NSUN6: variants seen among roughly 807,000 people sequenced by gnomAD.
The protein encoded by NSUN6 is NOP2/Sun RNA methyltransferase 6.
NSUN6 carries 64 observed loss-of-function variants against 58.0 expected under a neutral mutation model. The observed-to-expected ratio is 1.10, with a 90% CI of 0.90 to 1.36. The LOEUF (loss-of-function observed/expected upper bound fraction) is 1.36. Among genes scored for constraint, NSUN6 ranks in the 40% most tolerant of loss-of-function variants. NSUN6 has a pLI of 0.00. For synonymous variants in NSUN6, 231 were observed against 193.9 expected, an observed-to-expected ratio of 1.19 and a Z score of -1.59; for missense variants, 701 against 550.1, an observed-to-expected ratio of 1.27 and a Z score of -2.74.
intron 6 of NSUN6, 38 bp downstream of exon 6, chr10:18,609,807 T>C (rs1564796486): frequency 2.7e-6 from 3 of 1,092,054 alleles, no homozygotes; most frequent in South Asian, 1.3e-5. Flanking sequence ...GATGTATGTT[T>C]CAATGTCACT....
chr10:18,560,706 G>A (rs1490253829), intron 8 of NSUN6, among the ~76,000 whole-genome samples: 2 of 150,428 alleles, frequency 1.3e-5, no homozygotes, highest in African/African-American at 4.9e-5. Flanking sequence ...GGAATGGAAT[G>A]CAATGAGGAA....
chr10:18,587,893 C>T (rs117326495), intron 7 of NSUN6, among the ~76,000 whole-genome samples: 1,548 of 151,592 alleles, frequency 0.01, 20 homozygotes, highest in Non-Finnish European at 0.016. Flanking sequence ...TTTTTTTGTA[C>T]CTCAGTGGCA....
intron 3 of NSUN6, among the ~76,000 whole-genome samples, chr10:18,640,833 T>C (rs72775119): frequency 0.021 from 3,138 of 151,600 alleles, 49 homozygotes; most frequent in Admixed American, 0.04. Context: ...AAATCAACTT[T>C]AATTGCAAAA....
At chr10:18,637,657 C>G (rs1364031901) in intron 3 of NSUN6, among the ~76,000 whole-genome samples, 6 of 152,130 alleles carry the variant, frequency 3.9e-5, no homozygotes, top group Non-Finnish European at 8.8e-5. Flanking sequence ...CATGCTTATG[C>G]AAGTCCACAA....
chr10:18,562,331 T>C (rs1240683830), intron 8 of NSUN6, among the ~76,000 whole-genome samples: 4 of 142,998 alleles, frequency 2.8e-5, no homozygotes, highest in East Asian at 2.1e-4. Context: ...ATGGAATGGA[T>C]TGCAGAATGG....
chr10:18,652,943 A>G, upstream of NSUN6: 1 of 984,648 alleles, frequency 1.0e-6, no homozygotes, highest in South Asian at 4.7e-5. Flanking sequence ...GCCAGGATAA[A>G]GACTAGTAAT....
intron 8 of NSUN6, among the ~76,000 whole-genome samples, chr10:18,554,119 G>T (rs2054807446): frequency 6.6e-6 from 1 of 151,234 alleles, no homozygotes; most frequent in Non-Finnish European, 1.5e-5. Context: ...ATGGAGAAGG[G>T]AATAGAATTG....
intron 6 of NSUN6, among the ~76,000 whole-genome samples, chr10:18,604,783 A>G (rs1000740325): frequency 4.0e-5 from 6 of 151,782 alleles, no homozygotes; most frequent in African/African-American, 1.2e-4. Context: ...CTACTTGGGA[A>G]GCTGAGGCAG....
intron 3 of NSUN6, among the ~76,000 whole-genome samples, chr10:18,622,989 T>C (rs1318773927): frequency 2.0e-5 from 3 of 152,196 alleles, no homozygotes; most frequent in Non-Finnish European, 4.4e-5. Context: ...GAGAGATGTT[T>C]TAAAGGCTCT....
chr10:18,551,639 G>T, intron 9 of NSUN6, 184 bp downstream of exon 9: 1 of 442,526 alleles, frequency 2.3e-6, no homozygotes, highest in Non-Finnish European at 4.0e-6. Flanking sequence ...CCCTTTGAAG[G>T]CTGAATAATG....
upstream of NSUN6, chr10:18,652,086 A>AT (rs1267000183): frequency 1.0e-6 from 1 of 985,308 alleles, no homozygotes; most frequent in Non-Finnish European, 1.2e-6. Flanking sequence ...AGTTGGGCTA[A>AT]TGGTCTGTTA....
At chr10:18,640,093 G>C (rs1421734677) in intron 3 of NSUN6, among the ~76,000 whole-genome samples, 2 of 152,168 alleles carry the variant, frequency 1.3e-5, no homozygotes, top group Non-Finnish European at 2.9e-5. Context: ...CCATTAAAAA[G>C]AATGAAATAG....
At chr10:18,656,496 A>G (rs2059779111), upstream of NSUN6, among the ~76,000 whole-genome samples, 1 of 152,164 alleles carries the variant, frequency 6.6e-6, no homozygotes, top group African/African-American at 2.4e-5. Flanking sequence ...GAGATCACAC[A>G]ACTGCACTCC....
At chr10:18,581,418 C>T (rs2056898458) in intron 8 of NSUN6, among the ~76,000 whole-genome samples, 1 of 152,138 alleles carries the variant, frequency 6.6e-6, no homozygotes, top group Admixed American at 6.5e-5. Context: ...CCACTGGCAC[C>T]ATGACAATTT....
chr10:18,577,949 A>C (rs555733930), intron 8 of NSUN6, among the ~76,000 whole-genome samples: 1 of 152,332 alleles, frequency 6.6e-6, no homozygotes, highest in South Asian at 2.1e-4. Context: ...CGCGTAAGGG[A>C]TAAGAACCCC....
At chr10:18,643,607 G>C (rs930081203) in intron 2 of NSUN6, among the ~76,000 whole-genome samples, 1 of 151,990 alleles carries the variant, frequency 6.6e-6, no homozygotes, top group South Asian at 2.1e-4. Context: ...TCTTCCAAAG[G>C]GTCTAGTTAT....
At chr10:18,555,063 TG>T (rs138079651) in intron 8 of NSUN6, among the ~76,000 whole-genome samples, 2,809 of 150,108 alleles carry the variant, frequency 0.019, 80 homozygotes, top group African/African-American at 0.065. Context: ...GAGAATGGAA[TG>T]GAGTGGAGAA....
At chr10:18,640,708 C>T (rs2059365496) in intron 3 of NSUN6, among the ~76,000 whole-genome samples, 1 of 152,046 alleles carries the variant, frequency 6.6e-6, no homozygotes, top group African/African-American at 2.4e-5. Flanking sequence ...TGTCAAAACC[C>T]AACAAACTAA....
intron 8 of NSUN6, among the ~76,000 whole-genome samples, chr10:18,573,877 T>C (rs114533116): frequency 0.032 from 4,908 of 152,232 alleles, 271 homozygotes; most frequent in African/African-American, 0.11. Context: ...TAGGCTTAGT[T>C]GGATACTGCC....
Sources: gnomAD v4.1 joint callset for allele counts (sites outside exome capture counted in the v4.1 genomes callset) on GRCh38, gnomAD v4.1.1 for gene constraint, MANE v1.5 for transcripts, NCBI Gene and HGNC (gene_info 2026-07-23, HGNC 2026-07-21) for gene names.